Variants in WWTR1 observed in about 807,000 individuals in gnomAD.
WWTR1 encodes the protein WW domain-containing transcription regulator protein 1.
A neutral mutation model predicts 40.1 loss-of-function variants in WWTR1; 13 were observed. That is an observed-to-expected ratio of 0.32 (90% CI 0.21 to 0.52). The LOEUF (loss-of-function observed/expected upper bound fraction) is 0.52. WWTR1 is among the 20% of genes least tolerant of loss of function. WWTR1 has a pLI of 0.97. For synonymous variants in WWTR1, 230 were observed against 210.1 expected, an observed-to-expected ratio of 1.09 and a Z score of -0.82; for missense variants, 436 against 523.1, an observed-to-expected ratio of 0.83 and a Z score of 1.63.
At chr3:149,610,315 T>C (rs1337572531) in intron 2 of WWTR1, among the ~76,000 whole-genome samples, 1 of 152,212 alleles carries the variant, frequency 6.6e-6, no homozygotes, top group Non-Finnish European at 1.5e-5. Context: ...TTTTGTTTCA[T>C]AGTATTTTCC....
rs1734965432 is a variant in WWTR1 at position 149,519,979 on chromosome 3, C to T, written c.*826G>A. 6.6e-6 allele frequency: 1 copy of T among 150,938 alleles called. No individual in the cohort carries two copies. Among genetic ancestry groups the T allele is most frequent in the Non-Finnish European group, 1.5e-5 (1 of 67,578 alleles). The allele number at this position is 150,938 out of a possible 1,614,324, so 9.3% of individuals were successfully genotyped here. On this transcript the variant is annotated 3_prime_UTR_variant, in exon 7 of 7. Coordinates refer to ENST00000360632, the MANE Select transcript of WWTR1 (RefSeq NM_015472.6). ...AAACAACATCAAGAAAAAAAAAAAC[C>T]ATCAGATTCTAAGCTGCAATTTTTT...
chr3:149,676,969 A>T (rs1714282446), intron 1 of WWTR1, among the ~76,000 whole-genome samples: 1 of 149,082 alleles, frequency 6.7e-6, no homozygotes, highest in African/African-American at 2.5e-5. Flanking sequence ...CTCAGGCTGG[A>T]GCAATGGGGC....
chr3:149,647,175 A>G (rs1377802552), intron 2 of WWTR1, among the ~76,000 whole-genome samples: 1 of 152,210 alleles, frequency 6.6e-6, no homozygotes, highest in Non-Finnish European at 1.5e-5. Flanking sequence ...AAACAAAAAA[A>G]CTAGTGCTCT....
intron 1 of WWTR1, among the ~76,000 whole-genome samples, chr3:149,688,707 A>G (rs1194111669): frequency 2.0e-5 from 3 of 152,208 alleles, no homozygotes; most frequent in Non-Finnish European, 4.4e-5. Flanking sequence ...AGATTAGAAT[A>G]AATACCTAAC....
chr3:149,600,915 A>G (rs1446653018), intron 2 of WWTR1, among the ~76,000 whole-genome samples: 1 of 152,092 alleles, frequency 6.6e-6, no homozygotes, highest in African/African-American at 2.4e-5. Flanking sequence ...AGTCAACACC[A>G]ACTTGCTAGT....
chr3:149,540,268 A>T, intron 4 of WWTR1: 1 of 456,734 alleles, frequency 2.2e-6, no homozygotes, highest in South Asian at 1.5e-5. Flanking sequence ...TCAGCATTTA[A>T]GGAACTTGGT....
intron 2 of WWTR1, among the ~76,000 whole-genome samples, chr3:149,590,397 C>T (rs1040887450): frequency 3.3e-5 from 5 of 152,084 alleles, no homozygotes; most frequent in Non-Finnish European, 5.9e-5. Context: ...CACCTGTAAT[C>T]CCAGCACTTT....
At chr3:149,614,698 T>A (rs1372618572) in intron 2 of WWTR1, among the ~76,000 whole-genome samples, 1 of 152,136 alleles carries the variant, frequency 6.6e-6, no homozygotes, top group Non-Finnish European at 1.5e-5. Context: ...GAACGATAGC[T>A]TAGGGTGAGC....
intron 5 of WWTR1, among the ~76,000 whole-genome samples, chr3:149,710,474 T>C (rs1019126304): frequency 6.6e-6 from 1 of 151,490 alleles, no homozygotes; most frequent in South Asian, 2.1e-4. Flanking sequence ...TTCTCATGTG[T>C]AAAATAAGTT....
chr3:149,705,567 AT>A (rs757893251), upstream of WWTR1, among the ~76,000 whole-genome samples: 9 of 152,218 alleles, frequency 5.9e-5, no homozygotes, highest in Non-Finnish European at 1.3e-4. Flanking sequence ...TCCAAAACAT[AT>A]ATCTGTTGGG....
intron 2 of WWTR1, among the ~76,000 whole-genome samples, chr3:149,597,571 A>C (rs1739057834): frequency 6.6e-6 from 1 of 152,108 alleles, no homozygotes; most frequent in Non-Finnish European, 1.5e-5. Flanking sequence ...CCTGAGCTCA[A>C]GGGAGGGTGA....
intron 3 of WWTR1, among the ~76,000 whole-genome samples, chr3:149,562,874 T>C (rs1370287496): frequency 1.3e-5 from 2 of 151,872 alleles, no homozygotes; most frequent in East Asian, 3.9e-4. Flanking sequence ...AGTTGGTACC[T>C]GGGTGGGAGA....
At chr3:149,644,095 C>T (rs1712347064) in intron 2 of WWTR1, among the ~76,000 whole-genome samples, 1 of 152,132 alleles carries the variant, frequency 6.6e-6, no homozygotes, top group Non-Finnish European at 1.5e-5. Flanking sequence ...ATAATTTCTC[C>T]ACTTCTTCCA....
intron 2 of WWTR1, among the ~76,000 whole-genome samples, chr3:149,618,840 A>T (rs2108081071): frequency 6.6e-6 from 1 of 152,258 alleles, no homozygotes; most frequent in South Asian, 2.1e-4. Context: ...TGACACGACA[A>T]GTACAATCCT....
Position 149,639,809 on chromosome 3 carries a change from C to T in WWTR1, c.431+17067G>A, listed in dbSNP as rs193123447. Among the ~76,000 whole-genome samples the T allele has an allele frequency of 6.5e-3, 988 of 151,840 alleles. 8 individuals carry two copies. The highest frequency in any genetic ancestry group is 5.6e-3 in the Non-Finnish European group (381 of 67,928). ...GAGATCGAGACCATCCTGGCTAACA[C>T]GGTGAAATCCCATCTCTACTAAAAA... is the stretch of plus-strand genomic sequence containing the variant. On this transcript the variant is annotated intron_variant, in intron 2 of 6. Coordinates refer to ENST00000360632, the MANE Select transcript of WWTR1 (RefSeq NM_015472.6).
intron 2 of WWTR1, among the ~76,000 whole-genome samples, chr3:149,583,740 A>T (rs1738273771): frequency 6.6e-6 from 1 of 152,190 alleles, no homozygotes; most frequent in Admixed American, 6.5e-5. Flanking sequence ...AATTCACGAC[A>T]CTTCAACATG....
intron 2 of WWTR1, among the ~76,000 whole-genome samples, chr3:149,665,678 A>G (rs117219565): frequency 0.014 from 2,102 of 152,328 alleles, 33 homozygotes; most frequent in East Asian, 0.063. Context: ...TTTTAATGAG[A>G]AAAATTACGA....
At chr3:149,622,770 G>A (rs555072500) in intron 2 of WWTR1, among the ~76,000 whole-genome samples, 22 of 152,184 alleles carry the variant, frequency 1.4e-4, no homozygotes, top group African/African-American at 5.3e-4. Context: ...CATGCCTGTA[G>A]TCCCAGCTAC....
intron 2 of WWTR1, among the ~76,000 whole-genome samples, chr3:149,624,301 TG>T (rs921050850): frequency 3.5e-4 from 54 of 152,178 alleles, no homozygotes; most frequent in Non-Finnish European, 6.8e-4. Flanking sequence ...TTCCTGCCAA[TG>T]GAGAAGGCAA....
Sources: allele counts gnomAD v4.1 joint callset (sites outside exome capture counted in the v4.1 genomes callset), GRCh38; gene constraint gnomAD v4.1.1; transcripts MANE v1.5; gene names NCBI Gene and HGNC (gene_info 2026-07-23, HGNC 2026-07-21).